The following NUP37 variants were observed in gnomAD, a reference collection of about 807,000 sequenced individuals.
NUP37 encodes the protein nucleoporin Nup37.
A neutral mutation model predicts 45.4 loss-of-function variants in NUP37; 33 were observed. That is an observed-to-expected ratio of 0.73 (90% CI 0.55 to 0.97). The LOEUF is 0.97. Among genes scored for constraint, NUP37 ranks in the 50% least tolerant of loss-of-function variants. The pLI is 0.00. For synonymous variants in NUP37, 127 were observed against 130.7 expected (o/e 0.97, Z 0.19); for missense variants, 365 against 389.7 (o/e 0.94, Z 0.53).
chr12:102,114,604 G>C (rs1045356095), intron 2 of NUP37, among the ~76,000 whole-genome samples: 3 of 152,198 alleles, frequency 2.0e-5, no homozygotes, highest in African/African-American at 7.2e-5. Context: ...GCAAAGCCAG[G>C]TTGATGGAAG....
At chr12:102,080,588 A>G (rs1236418927) in intron 6 of NUP37, among the ~76,000 whole-genome samples, 1 of 152,182 alleles carries the variant, frequency 6.6e-6, no homozygotes, top group Non-Finnish European at 1.5e-5. Context: ...TAATCCCCTA[A>G]ACCACTGTAT....
chr12:102,095,591 G>A (rs928521016), intron 5 of NUP37, among the ~76,000 whole-genome samples: 1 of 151,918 alleles, frequency 6.6e-6, no homozygotes, highest in South Asian at 2.1e-4. Context: ...TCTATCAGAC[G>A]CTTGCTTTTT....
chr12:102,101,450 T>C (rs1879969299), intron 3 of NUP37, among the ~76,000 whole-genome samples: 1 of 152,190 alleles, frequency 6.6e-6, no homozygotes, highest in African/African-American at 2.4e-5. Context: ...TTTTAAAAAG[T>C]ATCTTCATTT....
Position 102,074,614 on chromosome 12 carries a change from C to T in NUP37, c.868-147G>A, listed in dbSNP as rs1415791630. On this transcript the variant is annotated intron_variant, in intron 9 of 9. Coordinates refer to ENST00000552283, the MANE Select transcript of NUP37 (RefSeq NM_024057.4). ...AATATGCTCCCTTACAGGTGAAATACACATTATTGATACGCAGCTGAAACA... is the reference window on the plus strand; with the variant it reads ...AATATGCTCCCTTACAGGTGAAATATACATTATTGATACGCAGCTGAAACA... 1.6e-5 allele frequency: 9 copies of T among 580,170 alleles called. No individual in the cohort carries two copies. In the East Asian group the frequency reaches 2.3e-4, roughly 15 times the overall value. 35.9% of individuals were successfully genotyped at this position (580,170 alleles called of 1,614,324 possible).
intron 2 of NUP37, among the ~76,000 whole-genome samples, chr12:102,114,766 G>GCTTACA (rs1880416343): frequency 6.6e-6 from 1 of 152,068 alleles, no homozygotes; most frequent in African/African-American, 2.4e-5. Context: ...GAAAAAAAGA[G>GCTTACA]TTTACACAAC....
chr12:102,092,792 G>C (rs2074402505), intron 5 of NUP37, among the ~76,000 whole-genome samples: 1 of 152,138 alleles, frequency 6.6e-6, no homozygotes, highest in Non-Finnish European at 1.5e-5. Flanking sequence ...TTATGGTTGA[G>C]ACTATGGAGA....
chr12:102,114,445 T>C (rs1318954366), intron 2 of NUP37, among the ~76,000 whole-genome samples: 1 of 151,944 alleles, frequency 6.6e-6, no homozygotes, highest in Non-Finnish European at 1.5e-5. Flanking sequence ...AAAAGGCCCG[T>C]GTGTGTGTGT....
intron 3 of NUP37, among the ~76,000 whole-genome samples, chr12:102,107,568 TAC>T (rs1880189324): frequency 6.6e-6 from 1 of 152,172 alleles, no homozygotes; most frequent in African/African-American, 2.4e-5. Context: ...TTATGATATA[TAC>T]ACACAGTAAT....
At chr12:102,105,361 CA>C (rs796171528) in intron 3 of NUP37, among the ~76,000 whole-genome samples, 56 of 141,328 alleles carry the variant, frequency 4.0e-4, no homozygotes, top group Admixed American at 7.8e-4. Flanking sequence ...CCCATCTCTA[CA>C]AAAAAAAAAA....
chr12:102,088,856 C>A (rs1038845310), intron 5 of NUP37, among the ~76,000 whole-genome samples: 3 of 150,936 alleles, frequency 2.0e-5, no homozygotes, highest in Admixed American at 6.6e-5. Flanking sequence ...GAGGTCCCTG[C>A]GGCCTTCCGC....
chr12:102,094,701 T>C (rs1879752315), intron 5 of NUP37, among the ~76,000 whole-genome samples: 1 of 152,128 alleles, frequency 6.6e-6, no homozygotes, highest in Non-Finnish European at 1.5e-5. Context: ...TAATTTAGTA[T>C]TCCTTTATAC....
intron 8 of NUP37, among the ~76,000 whole-genome samples, chr12:102,075,330 G>C (rs118084892): frequency 6.6e-6 from 1 of 151,854 alleles, no homozygotes; most frequent in Non-Finnish European, 1.5e-5. Flanking sequence ...TGTGTACTAC[G>C]ATGCCCAGGT....
intron 5 of NUP37, 96 bp from the exon 6 acceptor site, chr12:102,085,952 GATT>G: frequency 1.8e-6 from 1 of 556,834 alleles, no homozygotes; most frequent in Non-Finnish European, 3.2e-6. Context: ...ATTAACTACA[GATT>G]ATAAGACAGA....
At chr12:102,091,232 A>G (rs1282984140) in intron 5 of NUP37, among the ~76,000 whole-genome samples, 1 of 151,850 alleles carries the variant, frequency 6.6e-6, no homozygotes, top group African/African-American at 2.4e-5. Context: ...CCCTGACTCT[A>G]CTAAAAACAC....
At chr12:102,081,978 A>T (rs1648771598) in intron 6 of NUP37, among the ~76,000 whole-genome samples, 1 of 152,164 alleles carries the variant, frequency 6.6e-6, no homozygotes, top group Admixed American at 6.5e-5. Flanking sequence ...GATTACAGGC[A>T]TGAGCCACTG....
rs1284792637 is a variant in NUP37, at chr12:102,099,195, T to C, written c.360A>G (p.Leu120=). 6 of 1,606,978 alleles carry C rather than the reference T, an allele frequency of 3.7e-6. No homozygotes were observed. The African/African-American group carries it at 8.0e-5, about 21-fold the overall frequency. The part of the protein sequence containing the change: ...DLQDKNEYKV[L]EGHTDFINGL... ...CATTAATGAAATCGGTATGGCCCTC[T>C]AAAACCTGACAGAAAGAGAAACAGA... The change falls in exon 5 of 10, where the codon TTA becomes TTG. Residue 120 remains leucine (L), a synonymous_variant. Transcript: ENST00000552283.
rs1341060729 is a variant in NUP37 at position 102,073,705 on chromosome 12, G to C, written c.*649C>G. 1.3e-5 allele frequency: 2 copies of C among 151,662 alleles called. No homozygotes were observed. The highest frequency in any genetic ancestry group is 2.9e-5 in the Non-Finnish European group (2 of 67,924). The allele number at this position is 151,662 out of a possible 1,614,324, so 9.4% of individuals were successfully genotyped here. A position where few individuals can be genotyped will look rare whatever the true frequency, so the allele number is the denominator to read the frequency against. ...TTTCTCCTTGGATTTTTTTTCTTTT[G>C]AGATAGTCTCGCTCTGTCGCCCAGG... On this transcript the variant is annotated 3_prime_UTR_variant, in exon 10 of 10. Transcript: ENST00000552283.
intron 4 of NUP37, among the ~76,000 whole-genome samples, chr12:102,100,784 G>T (rs139799882): frequency 4.4e-4 from 67 of 152,078 alleles, no homozygotes; most frequent in Admixed American, 9.8e-4. Flanking sequence ...CTTATTTGTT[G>T]TTCCTACCTA....
At chr12:102,112,082 AATGC>A in intron 3 of NUP37, 22 bp downstream of exon 3, 1 of 1,605,194 alleles carries the variant, frequency 6.2e-7, no homozygotes, top group Non-Finnish European at 8.5e-7. Flanking sequence ...ATTAGTAAGG[AATGC>A]ATTTGGTACT....
Sources: allele counts gnomAD v4.1 joint callset (sites outside exome capture counted in the v4.1 genomes callset), GRCh38; gene constraint gnomAD v4.1.1; transcripts MANE v1.5; gene names NCBI Gene and HGNC (gene_info 2026-07-23, HGNC 2026-07-21).